The following CSMD1 variants were observed in gnomAD, a reference collection of about 807,000 sequenced individuals.
CSMD1 encodes CUB and sushi domain-containing protein 1.
In CSMD1, 213 loss-of-function variants were observed where a neutral mutation model predicts 417.5. The observed-to-expected ratio is 0.51, with a 90% CI of 0.46 to 0.57. CSMD1 has a LOEUF of 0.57. CSMD1 is among the 20% of genes least tolerant of loss of function. The pLI is 0.00. For synonymous variants in CSMD1, 2,862 were observed against 1,736.8 expected, an observed-to-expected ratio of 1.65 and a Z score of -16.11; for missense variants, 6,923 against 4,529.7, an observed-to-expected ratio of 1.53 and a Z score of -15.17.
chr8:4,126,485 C>G (rs184127546), intron 3 of CSMD1, among the ~76,000 whole-genome samples: 1 of 152,304 alleles, frequency 6.6e-6, no homozygotes, highest in Non-Finnish European at 1.5e-5. Flanking sequence ...TGCACCCCAC[C>G]TCCATGGGCA....
chr8:3,561,080 G>C (rs182488558), intron 10 of CSMD1, among the ~76,000 whole-genome samples: 1 of 152,248 alleles, frequency 6.6e-6, no homozygotes. Flanking sequence ...ATACACATTA[G>C]AACCACAGTG....
chr8:4,128,284 C>G (rs756551139), intron 3 of CSMD1, among the ~76,000 whole-genome samples: 1 of 152,124 alleles, frequency 6.6e-6, no homozygotes, highest in African/African-American at 2.4e-5. Context: ...TAAGAATGAT[C>G]TGAGAAGACT....
intron 1 of CSMD1, among the ~76,000 whole-genome samples, chr8:4,793,473 CCCA>C (rs1455527856): frequency 6.6e-6 from 1 of 152,072 alleles, no homozygotes; most frequent in Non-Finnish European, 1.5e-5. Context: ...CTCTCTCCTC[CCCA>C]CCATCTCCCA....
Position 4,150,585 on chromosome 8 carries a change from G to A in CSMD1, c.416-118486C>T, listed in dbSNP as rs549807770. Among the ~76,000 whole-genome samples, 8 of 152,266 alleles carry A rather than the reference G, an allele frequency of 5.3e-5. No individual in the cohort carries two copies. The East Asian group carries it at 1.5e-3, about 29-fold the overall frequency. On this transcript the variant is annotated intron_variant, in intron 3 of 69. Transcript: ENST00000635120. Reference sequence around the variant, plus strand: ...CTGAAGGATTCATAACTCAGGTACAGGTAAAACAAGCAAACAAACCAAACA... The same window carrying A: ...CTGAAGGATTCATAACTCAGGTACAAGTAAAACAAGCAAACAAACCAAACA...
intron 3 of CSMD1, among the ~76,000 whole-genome samples, chr8:4,402,821 C>CTT (rs1396591610): frequency 4.0e-3 from 266 of 66,348 alleles, no homozygotes; most frequent in African/African-American, 4.6e-3. Flanking sequence ...TTTTTTTTTT[C>CTT]TTTTTTTTTT....
intron 37 of CSMD1, among the ~76,000 whole-genome samples, chr8:3,171,643 T>C (rs1211929997): frequency 6.6e-6 from 1 of 152,180 alleles, no homozygotes; most frequent in Non-Finnish European, 1.5e-5. Context: ...GACATAAATT[T>C]GGTAGAAAAA....
chr8:3,311,548 A>AGAGT (rs1052918633), intron 23 of CSMD1, among the ~76,000 whole-genome samples: 50 of 152,320 alleles, frequency 3.3e-4, no homozygotes, highest in African/African-American at 1.2e-3. Flanking sequence ...AATCAGCTAG[A>AGAGT]GAGTCAACAC....
At chr8:4,060,856 A>G (rs2130736773) in intron 3 of CSMD1, among the ~76,000 whole-genome samples, 1 of 152,314 alleles carries the variant, frequency 6.6e-6, no homozygotes, top group South Asian at 2.1e-4. Context: ...AGGTTAGATG[A>G]CCAGACAGGA....
At chr8:3,556,228 G>T (rs554352694) in intron 10 of CSMD1, among the ~76,000 whole-genome samples, 2 of 151,412 alleles carry the variant, frequency 1.3e-5, no homozygotes, top group Non-Finnish European at 2.9e-5. Context: ...TAGAATTTAG[G>T]AGGGATCCTT....
chr8:4,270,323 A>G (rs924864), intron 3 of CSMD1, among the ~76,000 whole-genome samples: 29,852 of 151,904 alleles, frequency 0.2, 3,441 homozygotes, highest in East Asian at 0.54. Flanking sequence ...TTTATGCTTT[A>G]TTAACAAACC....
intron 52 of CSMD1, among the ~76,000 whole-genome samples, chr8:3,012,940 AC>A (rs1808515107): frequency 6.6e-6 from 1 of 152,186 alleles, no homozygotes; most frequent in South Asian, 2.1e-4. Context: ...AATAAGTCTC[AC>A]AAGATCCAAT....
intron 1 of CSMD1, among the ~76,000 whole-genome samples, chr8:4,815,695 A>C (rs1386270887): frequency 2.1e-5 from 1 of 47,536 alleles, no homozygotes. Context: ...AAGCTGTCTC[A>C]AAAAAAAAAA....
chr8:3,106,473 T>C lies in CSMD1; in HGVS notation c.6949+55A>G, dbSNP rs1433439618. 5 of 1,081,808 alleles carry C rather than the reference T, an allele frequency of 4.6e-6. No homozygotes were observed. The Admixed American group carries it at 5.9e-5, about 13-fold the overall frequency. 67.0% of individuals were successfully genotyped at this position (1,081,808 alleles called of 1,614,324 possible). A position where few individuals can be genotyped will look rare whatever the true frequency, so the allele number is the denominator to read the frequency against. ...AAGAAATGCAGACCAATACAAACAATACAATTTTCCATGTTGAATAAGTTT... is the reference window on the plus strand; with the variant it reads ...AAGAAATGCAGACCAATACAAACAACACAATTTTCCATGTTGAATAAGTTT... On this transcript the variant is annotated intron_variant, in intron 46 of 69. Coordinates refer to ENST00000635120, the MANE Select transcript of CSMD1 (RefSeq NM_033225.6).
chr8:3,146,463 T>A (rs1268219755), intron 40 of CSMD1, among the ~76,000 whole-genome samples: 1 of 152,192 alleles, frequency 6.6e-6, no homozygotes, highest in Non-Finnish European at 1.5e-5. Flanking sequence ...AAAATAGCCC[T>A]ATGGGACTGA....
At chr8:4,335,826 C>G (rs943199314) in intron 3 of CSMD1, among the ~76,000 whole-genome samples, 1 of 151,966 alleles carries the variant, frequency 6.6e-6, no homozygotes, top group African/African-American at 2.4e-5. Flanking sequence ...CATTACTCAG[C>G]CCAGGGGTTG....
chr8:4,130,725 T>C (rs1208436820), intron 3 of CSMD1, among the ~76,000 whole-genome samples: 2 of 121,262 alleles, frequency 1.6e-5, no homozygotes, highest in Admixed American at 8.3e-5. Flanking sequence ...TGAAAGTATT[T>C]TGTCTATCAA....
At chr8:4,571,725 G>T (rs1034026754) in intron 2 of CSMD1, among the ~76,000 whole-genome samples, 1 of 152,066 alleles carries the variant, frequency 6.6e-6, no homozygotes, top group African/African-American at 2.4e-5. Flanking sequence ...ATTGACAGTG[G>T]GTGTTAAACT....
intron 3 of CSMD1, among the ~76,000 whole-genome samples, chr8:4,252,852 CT>C (rs1271783842): frequency 8.5e-5 from 13 of 152,198 alleles, no homozygotes; most frequent in African/African-American, 3.1e-4. Context: ...CAGCAGCCTT[CT>C]TGGGACCATG....
intron 2 of CSMD1, among the ~76,000 whole-genome samples, chr8:4,428,400 G>C (rs575809886): frequency 6.6e-6 from 1 of 152,130 alleles, no homozygotes; most frequent in East Asian, 1.9e-4. Context: ...GTAAGCTGTA[G>C]TTCAATAGGA....
Sources: allele counts gnomAD v4.1 joint callset (sites outside exome capture counted in the v4.1 genomes callset), GRCh38; gene constraint gnomAD v4.1.1; transcripts MANE v1.5; gene names NCBI Gene and HGNC (gene_info 2026-07-23, HGNC 2026-07-21).